The following GYS2 variants were observed in gnomAD, a reference collection of about 807,000 sequenced individuals.
The protein encoded by GYS2 is glycogen [starch] synthase, liver.
A neutral mutation model predicts 85.6 loss-of-function variants in GYS2; 80 were observed. The observed-to-expected ratio is 0.93, with a 90% CI of 0.78 to 1.13. GYS2 has a LOEUF of 1.13. Among genes scored for constraint, GYS2 ranks in the 50% most tolerant of loss-of-function variants. The pLI, the probability that GYS2 is intolerant of heterozygous loss-of-function variation, is 0.00. For missense variants in GYS2, 881 were observed against 854.9 expected, an observed-to-expected ratio of 1.03 and a Z score of -0.38; for synonymous variants, 328 against 300.7, an observed-to-expected ratio of 1.09 and a Z score of -0.94.
chr12:21,574,144 C>G lies in GYS2; in HGVS notation c.678G>C (p.Lys226Asn), dbSNP rs1565605007. ...ANIDFYNHLD[K>N]FNIDKEAGER... ...GAGGGAGGGAGGAAGGAATATTTAC[C>G]TTATCAAGATGGTTGTAGAAATCAA... The change falls in exon 4 of 16, where the codon AAG (lysine) becomes AAC (asparagine). Residue 226 changes from lysine (K) to asparagine (N), a missense_variant and splice_region_variant. Lys to Asn is a moderately conservative substitution (Grantham distance 94). Coordinates refer to ENST00000261195, the MANE Select transcript of GYS2 (RefSeq NM_021957.4). The G allele has an allele frequency of 1.2e-6, 2 of 1,605,966 alleles. No individual in the cohort carries two copies. The highest frequency in any genetic ancestry group is 1.7e-6 in the Non-Finnish European group (2 of 1,172,626).
At chr12:21,533,818 A>C (rs190251825), downstream of GYS2, among the ~76,000 whole-genome samples, 205 of 152,350 alleles carry the variant, frequency 1.3e-3, no homozygotes, top group Non-Finnish European at 2.3e-3. Flanking sequence ...GCTTATAAAC[A>C]ACAGAAATTT....
chr12:21,584,238 A>G (rs1450104043), intron 1 of GYS2, among the ~76,000 whole-genome samples: 2 of 152,228 alleles, frequency 1.3e-5, no homozygotes, highest in Non-Finnish European at 2.9e-5. Flanking sequence ...GGCTGTAGCC[A>G]AAGGTTTGGC....
chr12:21,581,514 A>G (rs1944508987), intron 1 of GYS2, among the ~76,000 whole-genome samples: 1 of 152,148 alleles, frequency 6.6e-6, no homozygotes. Flanking sequence ...TGGAGATGTG[A>G]GTCTTGCCCA....
intron 12 of GYS2, among the ~76,000 whole-genome samples, chr12:21,545,874 T>C (rs567129868): frequency 6.6e-6 from 1 of 152,296 alleles, no homozygotes; most frequent in Non-Finnish European, 1.5e-5. Flanking sequence ...TCCCTAACCA[T>C]ATGACTGTGT....
intron 4 of GYS2, among the ~76,000 whole-genome samples, chr12:21,573,587 T>A (rs1944409884): frequency 1.3e-5 from 2 of 152,140 alleles, no homozygotes; most frequent in Non-Finnish European, 2.9e-5. Context: ...AGGACCCATA[T>A]CCCTGTTTGC....
At chr12:21,541,089 C>T (rs898406011) in intron 13 of GYS2, among the ~76,000 whole-genome samples, 1 of 151,578 alleles carries the variant, frequency 6.6e-6, no homozygotes, top group African/African-American at 2.4e-5. Context: ...CCTGGGCAAC[C>T]TGGGGAAATC....
chr12:21,586,419 A>AAATC (rs146494760), intron 1 of GYS2, among the ~76,000 whole-genome samples: 1 of 147,768 alleles, frequency 6.8e-6, no homozygotes, highest in Non-Finnish European at 1.5e-5. Flanking sequence ...ATCTAAATCT[A>AAATC]TATCTATCTA....
intron 2 of GYS2, among the ~76,000 whole-genome samples, chr12:21,578,420 A>T (rs1438685536): frequency 6.6e-6 from 1 of 152,172 alleles, no homozygotes; most frequent in African/African-American, 2.4e-5. Flanking sequence ...CTGGATCTTC[A>T]TCTATTCAAC....
intron 12 of GYS2, among the ~76,000 whole-genome samples, chr12:21,542,910 G>A (rs11046109): frequency 0.16 from 24,097 of 152,162 alleles, 2,061 homozygotes; most frequent in Middle Eastern, 0.2. Flanking sequence ...ACCCTTGTGC[G>A]GAACTGCCGG....
intron 1 of GYS2, among the ~76,000 whole-genome samples, chr12:21,599,070 G>GCTCT (rs112659560): frequency 2.3e-4 from 34 of 149,240 alleles, no homozygotes; most frequent in East Asian, 1.8e-3. Flanking sequence ...CCTCTCTCTC[G>GCTCT]CTCTCTCTCT....
chr12:21,568,758 CTG>C, intron 5 of GYS2, 105 bp downstream of exon 5: 1 of 939,784 alleles, frequency 1.1e-6, no homozygotes, highest in Non-Finnish European at 1.8e-6. Flanking sequence ...TGCGTGGTAA[CTG>C]AATGCAATTT....
chr12:21,575,882 G>T lies in GYS2; in HGVS notation c.479C>A (p.Ala160Asp). The T allele has an allele frequency of 6.2e-7, 1 of 1,612,678 alleles. No homozygotes were observed. Among genetic ancestry groups the T allele is most frequent in the Non-Finnish European group, 8.5e-7 (1 of 1,178,844 alleles). Reference protein sequence around the residue: ...NDMLIFGSLTAWFLKEVTDHA... With the variant: ...NDMLIFGSLTDWFLKEVTDHA... ...AAACCATACCTCTTTTAAGAACCAG[G>T]CAGTTAAAGATCCAAATATCAGCAT... The change falls in exon 3 of 16, where the codon GCC becomes GAC. Residue 160 changes from alanine (A) to aspartate (D), a missense_variant. By Grantham distance (126) the Ala-to-Asp change is moderately radical. Coordinates refer to ENST00000261195, the MANE Select transcript of GYS2 (RefSeq NM_021957.4).
At chr12:21,581,637 T>C (rs141251478) in intron 1 of GYS2, among the ~76,000 whole-genome samples, 322 of 152,304 alleles carry the variant, frequency 2.1e-3, no homozygotes, top group African/African-American at 7.1e-3. Flanking sequence ...CTAATATTGC[T>C]GCTACCTCTA....
At position 21,580,539 on chromosome 12, in the gene GYS2, A is replaced by T; in HGVS notation, c.122-16T>A. On this transcript the variant is annotated splice_polypyrimidine_tract_variant and intron_variant, in intron 1 of 15. Coordinates refer to ENST00000261195, the MANE Select transcript of GYS2 (RefSeq NM_021957.4). ...ATGCCTCCAACTGTTAAAAGGAAAAAAGTTTCTATTATCATTCAGGTTAGC... is the reference window on the plus strand; with the variant it reads ...ATGCCTCCAACTGTTAAAAGGAAAATAGTTTCTATTATCATTCAGGTTAGC... 1 of 1,601,120 alleles carries T rather than the reference A, an allele frequency of 6.2e-7. No individual in the cohort carries two copies. The highest frequency in any genetic ancestry group is 8.5e-7 in the Non-Finnish European group (1 of 1,169,628).
chr12:21,594,710 T>C (rs888028502), intron 1 of GYS2, among the ~76,000 whole-genome samples: 2 of 152,154 alleles, frequency 1.3e-5, no homozygotes, highest in African/African-American at 4.8e-5. Flanking sequence ...GCTATCAAAA[T>C]AGCAATGTCA....
chr12:21,563,452 T>C (rs1944280323), intron 5 of GYS2, 107 bp from the exon 6 acceptor site: 1 of 692,558 alleles, frequency 1.4e-6, no homozygotes, highest in African/African-American at 1.8e-5. Context: ...ATTGACATTC[T>C]ACTTTCTGAC....
At position 21,559,659 on chromosome 12, in the gene GYS2, T is replaced by C. The variant is rs767928133; in HGVS notation, c.1221A>G (p.Ala407=). 6.4e-7 allele frequency: 1 copy of C among 1,554,602 alleles called. No homozygotes were observed. Among genetic ancestry groups the C allele is most frequent in the Admixed American group, 1.7e-5 (1 of 59,934 alleles). ...KEKFGKKLYD[A]LLRGEIPDLN... is the part of the protein sequence containing the mutation. ...GCATTTCAAGCACCTACCTTAATAA[T>C]GCATCATAGAGTTTTTTTCCAAACT... Residue 407 remains alanine (A), a synonymous_variant, in exon 9 of 16, where the codon GCA becomes GCG. Coordinates refer to ENST00000261195, the MANE Select transcript of GYS2 (RefSeq NM_021957.4).
chr12:21,583,371 C>T (rs1409896013), intron 1 of GYS2, among the ~76,000 whole-genome samples: 1 of 152,122 alleles, frequency 6.6e-6, no homozygotes, highest in East Asian at 1.9e-4. Context: ...CCTAGTGGGC[C>T]TATTTGGATT....
intron 1 of GYS2, among the ~76,000 whole-genome samples, chr12:21,582,640 T>TATAG (rs1229778870): frequency 6.9e-6 from 1 of 144,240 alleles, no homozygotes; most frequent in African/African-American, 2.8e-5. Flanking sequence ...TATAGATATA[T>TATAG]ATCTCCTATT....
Sources: gnomAD v4.1 joint callset for allele counts (sites outside exome capture counted in the v4.1 genomes callset) on GRCh38, gnomAD v4.1.1 for gene constraint, MANE v1.5 for transcripts, NCBI Gene and HGNC (gene_info 2026-07-23, HGNC 2026-07-21) for gene names.